TBCD: variants seen among roughly 807,000 people sequenced by gnomAD.
The protein encoded by TBCD is tubulin folding cofactor D.
TBCD carries 105 observed loss-of-function variants against 169.3 expected under a neutral mutation model. The ratio of observed to expected loss-of-function variants is 0.62; its 90% CI spans 0.53 to 0.73. TBCD has a LOEUF of 0.73. TBCD is among the 30% of genes least tolerant of loss of function. The pLI is 0.00. For missense variants in TBCD, 1,444 were observed against 1,600.1 expected (o/e 0.90, Z 1.66); for synonymous variants, 700 against 643.9 (o/e 1.09, Z -1.32).
At chr17:82,772,313 TGG>T in intron 5 of TBCD, 137 bp from the exon 6 acceptor site, 3 of 828,572 alleles carry the variant, frequency 3.6e-6, no homozygotes, top group Admixed American at 2.0e-5. Context: ...TTTGCAGCTT[TGG>T]ACTTAGGCCT....
intron 15 of TBCD, among the ~76,000 whole-genome samples, chr17:82,887,793 C>T (rs534467891): frequency 3.3e-5 from 5 of 152,318 alleles, no homozygotes; most frequent in African/African-American, 1.2e-4. Flanking sequence ...TTTTGACAGG[C>T]ATGTGGTGAT....
chr17:82,823,378 C>A (rs1000852779), intron 13 of TBCD, among the ~76,000 whole-genome samples: 1 of 152,230 alleles, frequency 6.6e-6, no homozygotes, highest in African/African-American at 2.4e-5. Context: ...CTTGTTTAAT[C>A]TTGGTAGGCT....
intron 14 of TBCD, among the ~76,000 whole-genome samples, chr17:82,876,677 G>A (rs1377796060): frequency 6.6e-6 from 1 of 152,244 alleles, no homozygotes; most frequent in Non-Finnish European, 1.5e-5. Context: ...TAACTTGGGA[G>A]TCTGTGTTTA....
In TBCD at chr17:82,941,448, C is replaced by T. The variant is rs1161554283; in HGVS notation, c.3529C>T (p.Leu1177Phe). 2.5e-6 allele frequency: 4 copies of T among 1,603,390 alleles called. No homozygotes were observed. Among genetic ancestry groups the T allele is most frequent in the Non-Finnish European group, 3.4e-6 (4 of 1,176,718 alleles). The change falls in exon 38 of 39, where the codon CTT becomes TTT. Residue 1177 changes from leucine (L) to phenylalanine (F), a missense_variant. Leu to Phe is a conservative substitution (Grantham distance 22). Coordinates refer to ENST00000355528, the MANE Select transcript of TBCD (RefSeq NM_005993.5). Reference protein sequence around the residue: ...VREQRNRLCDLLGVPRPQLVP... With the variant: ...VREQRNRLCDFLGVPRPQLVP... ...AGAGCAGCGCAACCGTCTGTGTGAC[C>T]TTCTGGGCGTACCCAGGCCCCAGCT...
intron 14 of TBCD, among the ~76,000 whole-genome samples, chr17:82,883,132 C>T (rs1193680602): frequency 6.6e-6 from 1 of 152,270 alleles, no homozygotes; most frequent in Non-Finnish European, 1.5e-5. Flanking sequence ...CCCCGGCGTC[C>T]TTCATGTTGA....
intron 6 of TBCD, among the ~76,000 whole-genome samples, chr17:82,779,110 C>G (rs1341071908): frequency 6.6e-6 from 1 of 151,746 alleles, no homozygotes; most frequent in Non-Finnish European, 1.5e-5. Flanking sequence ...CTCCTGAGTT[C>G]AAGTGATTCT....
Position 82,874,857 on chromosome 17 carries a change from A to G in TBCD, c.1475+4477A>G, listed in dbSNP as rs576747461. ...TAATTACCAGCTTTTATGCCCGTCA[A>G]TTTGGGAACGTGATACAATCTTGAT... is the stretch of plus-strand genomic sequence containing the variant. On this transcript the variant is annotated intron_variant, in intron 14 of 38. Coordinates refer to ENST00000355528, the MANE Select transcript of TBCD (RefSeq NM_005993.5). This position sits in a 1 kb window ranked among gnomAD's most constrained non-coding sequence, Gnocchi z 5.0. Among the ~76,000 whole-genome samples, 14 of 152,306 alleles carry G rather than the reference A, an allele frequency of 9.2e-5. No individual in the cohort carries two copies. Among genetic ancestry groups the G allele is most frequent in the Non-Finnish European group, 1.8e-4 (12 of 68,016 alleles).
intron 7 of TBCD, among the ~76,000 whole-genome samples, chr17:82,787,452 A>C (rs868069164): frequency 6.6e-6 from 1 of 152,164 alleles, no homozygotes; most frequent in Non-Finnish European, 1.5e-5. Flanking sequence ...TTCCAGAGTC[A>C]TGTGTGTTGT....
rs116954624 is a variant in TBCD, at chr17:82,873,154, C to T, written c.1475+2774C>T. On this transcript the variant is annotated intron_variant, in intron 14 of 38. Coordinates refer to ENST00000355528, the MANE Select transcript of TBCD (RefSeq NM_005993.5). The stretch of plus-strand genomic sequence containing the variant: ...ACGGCTGCAGCTGCATCTGGCCCCT[C>T]AGATGGTGGTTCCCCTTTCATGGTG... Among the ~76,000 whole-genome samples the T allele has an allele frequency of 7.1e-3, 1,075 of 152,376 alleles. 6 individuals are homozygous for T. The highest frequency in any genetic ancestry group is 0.012 in the South Asian group (56 of 4,830).
At chr17:82,813,932 G>A (rs758277950) in intron 12 of TBCD, among the ~76,000 whole-genome samples, 1 of 152,160 alleles carries the variant, frequency 6.6e-6, no homozygotes, top group Non-Finnish European at 1.5e-5. Flanking sequence ...GGCACTCTCC[G>A]ATTTTCCTAA....
intron 15 of TBCD, among the ~76,000 whole-genome samples, chr17:82,887,518 G>A (rs1280515314): frequency 2.0e-5 from 3 of 152,158 alleles, no homozygotes; most frequent in African/African-American, 7.2e-5. Flanking sequence ...GCCGTGGTTT[G>A]TGTGACCATT....
At chr17:82,924,715 G>A (rs1233289234) in intron 26 of TBCD, among the ~76,000 whole-genome samples, 5 of 152,256 alleles carry the variant, frequency 3.3e-5, no homozygotes, top group Admixed American at 6.5e-5. Context: ...CTTGCACCAC[G>A]GCACTCCAGC....
Position 82,889,878 on chromosome 17 carries a change from G to A in TBCD, c.1563+181G>A, listed in dbSNP as rs531514940. ...TAAACAGCGAGTCCTGTTTCACAGG[G>A]AACCTGCATGTACAGTAATTTACAC... On this transcript the variant is annotated intron_variant, in intron 16 of 38. Transcript: ENST00000355528. This position sits in a 1 kb window ranked among gnomAD's most constrained non-coding sequence, Gnocchi z 5.3. Among the ~76,000 whole-genome samples the A allele has an allele frequency of 1.3e-5, 2 of 152,368 alleles. No individual in the cohort carries two copies. Among genetic ancestry groups the A allele is most frequent in the African/African-American group, 2.4e-5 (1 of 41,584 alleles).
intron 23 of TBCD, among the ~76,000 whole-genome samples, chr17:82,919,083 GT>G (rs1428098252): frequency 6.6e-6 from 1 of 152,206 alleles, no homozygotes; most frequent in African/African-American, 2.4e-5. Context: ...AAACTTCTTA[GT>G]TTAGAAATTT....
rs2058283640 is a variant in TBCD at position 82,880,558 on chromosome 17, A to T, written c.1476-3587A>T. ...GTTGTTTACGTGGAGGAACTGAAAG[A>T]CCTGGGTGTGCTGCTGGATGCCCCA... On this transcript the variant is annotated intron_variant, in intron 14 of 38. Coordinates refer to ENST00000355528, the MANE Select transcript of TBCD (RefSeq NM_005993.5). This position sits in a 1 kb window ranked among gnomAD's most constrained non-coding sequence, Gnocchi z 5.0. Among the ~76,000 whole-genome samples the T allele has an allele frequency of 6.6e-6, 1 of 152,160 alleles. No homozygotes were observed. Among genetic ancestry groups the T allele is most frequent in the African/African-American group, 2.4e-5 (1 of 41,422 alleles).
chr17:82,901,413 T>C (rs2059882992), intron 18 of TBCD, among the ~76,000 whole-genome samples: 1 of 152,154 alleles, frequency 6.6e-6, no homozygotes. Flanking sequence ...GTTGGTGTGA[T>C]GTGGAGGGGG....
At chr17:82,809,374 A>T (rs911801711) in intron 11 of TBCD, among the ~76,000 whole-genome samples, 1 of 152,000 alleles carries the variant, frequency 6.6e-6, no homozygotes, top group African/African-American at 2.4e-5. Context: ...TCCAGTAGGG[A>T]GGGTCAGGGT....
In TBCD at chr17:82,799,170, C is replaced by T. The variant is rs572902403; in HGVS notation, c.817+1368C>T. ...TGTTTTAGAAGCTATCCGGACTGGGCGTTGTGGCTCACGCCTGTAATCCCA... is the reference window on the plus strand; with the variant it reads ...TGTTTTAGAAGCTATCCGGACTGGGTGTTGTGGCTCACGCCTGTAATCCCA... On this transcript the variant is annotated intron_variant, in intron 8 of 38. Coordinates refer to ENST00000355528, the MANE Select transcript of TBCD (RefSeq NM_005993.5). 9.9e-5 allele frequency among the ~76,000 whole-genome samples: 15 copies of T among 152,192 alleles called. No individual in the cohort carries two copies. The East Asian group carries it at 2.1e-3, about 22-fold the overall frequency.
At chr17:82,926,265 C>T (rs895509709) in intron 27 of TBCD, 135 bp from the exon 28 acceptor site, 44 of 794,368 alleles carry the variant, frequency 5.5e-5, no homozygotes, top group Non-Finnish European at 7.1e-5. Context: ...CATGGATGGC[C>T]GTGAGGAAGG....
Sources: allele counts gnomAD v4.1 joint callset (sites outside exome capture counted in the v4.1 genomes callset), GRCh38; gene constraint gnomAD v4.1.1; non-coding constraint Gnocchi (gnomAD v3.1); transcripts MANE v1.5; gene names NCBI Gene and HGNC (gene_info 2026-07-23, HGNC 2026-07-21).